Variants in TMPRSS6 observed in about 807,000 individuals in gnomAD.
TMPRSS6 encodes the protein transmembrane serine protease 6, also known as transmembrane protease serine 6.
TMPRSS6 carries 67 observed loss-of-function variants against 101.5 expected under a neutral mutation model. The ratio of observed to expected loss-of-function variants is 0.66; its 90% CI spans 0.54 to 0.81. TMPRSS6 has a LOEUF of 0.81. Ranked by LOEUF, TMPRSS6 falls within the 30% of genes least tolerant of loss-of-function variation. The probability of loss-of-function intolerance (pLI) is 0.00; values close to 1 mark genes in which losing one functional copy is unlikely to be tolerated. For missense variants in TMPRSS6, 1,034 were observed against 1,088.7 expected (o/e 0.95, Z 0.71); for synonymous variants, 453 against 464.9 (o/e 0.97, Z 0.33).
chr22:37,101,765 A>T lies in TMPRSS6; in HGVS notation c.202+1451T>A, dbSNP rs1006063987. 6.6e-6 allele frequency among the ~76,000 whole-genome samples: 1 copy of T among 151,394 alleles called. No homozygotes were observed. The highest frequency in any genetic ancestry group is 1.5e-5 in the Non-Finnish European group (1 of 67,784). ...CAGGAGCATAATCAGGGGGAATTAA[A>T]CTCCTCTGCAAAGAGAAATAATTGG... is the stretch of plus-strand genomic sequence containing the variant. On this transcript the variant is annotated intron_variant, in intron 2 of 17. Coordinates refer to ENST00000676104, the MANE Select transcript of TMPRSS6 (RefSeq NM_001374504.1). The surrounding 1 kb of genome is among the most constrained non-coding windows in gnomAD (Gnocchi z 4.1).
At chr22:37,096,477 C>T (rs572913127) in intron 4 of TMPRSS6, among the ~76,000 whole-genome samples, 171 bp downstream of exon 4, 2 of 152,322 alleles carry the variant, frequency 1.3e-5, no homozygotes, top group Admixed American at 1.3e-4. Flanking sequence ...TTCCATTCTA[C>T]AGATGAGCCC....
intron 13 of TMPRSS6, among the ~76,000 whole-genome samples, chr22:37,071,767 C>A (rs530840915): frequency 6.6e-6 from 1 of 152,136 alleles, no homozygotes; most frequent in South Asian, 2.1e-4. Flanking sequence ...GAAGACTGAG[C>A]AGACAAGCCA....
At chr22:37,085,801 G>T (rs1414313881) in intron 8 of TMPRSS6, among the ~76,000 whole-genome samples, 3 of 152,128 alleles carry the variant, frequency 2.0e-5, no homozygotes, top group Non-Finnish European at 4.4e-5. Flanking sequence ...GCGCCCTCTT[G>T]GCTGTAAGCG....
Position 37,069,178 on chromosome 22 carries a change from C to T in TMPRSS6, c.2008G>A (p.Val670Met), listed in dbSNP as rs763324186. 3 of 1,592,434 alleles carry T rather than the reference C, an allele frequency of 1.9e-6. No individual in the cohort carries two copies. The highest frequency in any genetic ancestry group is 2.6e-6 in the Non-Finnish European group (3 of 1,170,724). ...VALLQLDHPVVRSAAVRPVCL... is the reference protein window; with the variant it reads ...VALLQLDHPVMRSAAVRPVCL... ...ACGGGGCGCACGGCGGCCGAGCGCA[C>T]CACCGGGTGGTCGAGCTGCAGCAGC... is the stretch of plus-strand genomic sequence containing the variant. The change falls in exon 16 of 18, where the codon GTG (valine) becomes ATG (methionine). Residue 670 changes from valine to methionine, a missense_variant. Transcript: ENST00000676104. The surrounding 1 kb of genome is among the most constrained non-coding windows in gnomAD (Gnocchi z 4.8).
intron 2 of TMPRSS6, among the ~76,000 whole-genome samples, chr22:37,098,865 A>G (rs1013254235): frequency 2.0e-5 from 3 of 152,202 alleles, no homozygotes; most frequent in African/African-American, 7.2e-5. Flanking sequence ...AGGCCAGGAA[A>G]TCCACATAGG....
chr22:37,100,468 G>A lies in TMPRSS6; in HGVS notation c.203-1919C>T, dbSNP rs1037341050. Among the ~76,000 whole-genome samples the A allele has an allele frequency of 1.2e-4, 18 of 152,340 alleles. No individual in the cohort carries two copies. In the East Asian group the frequency reaches 3.5e-3, roughly 29 times the overall value. On this transcript the variant is annotated intron_variant, in intron 2 of 17. Coordinates refer to ENST00000676104, the MANE Select transcript of TMPRSS6 (RefSeq NM_001374504.1). ...CAGAGGAGAGGGTGGGAAGTGATTGGCGTCAGCTGCTTTTGATGTGTTTTG... is the reference window on the plus strand; with the variant it reads ...CAGAGGAGAGGGTGGGAAGTGATTGACGTCAGCTGCTTTTGATGTGTTTTG...
At chr22:37,106,388 T>C (rs993048945) in intron 1 of TMPRSS6, among the ~76,000 whole-genome samples, 3 of 151,954 alleles carry the variant, frequency 2.0e-5, no homozygotes, top group Admixed American at 6.6e-5. Flanking sequence ...GGGCCTCCCC[T>C]CCCCTCTCAT....
chr22:37,098,647 G>A, intron 2 of TMPRSS6, 98 bp from the exon 3 acceptor site: 1 of 1,558,870 alleles, frequency 6.4e-7, no homozygotes, highest in Admixed American at 1.7e-5. Context: ...CCTCAGCTCA[G>A]CCTCAGTGTC....
At chr22:37,073,048 GTGGA>G (rs1215008591) in intron 13 of TMPRSS6, among the ~76,000 whole-genome samples, 11 of 142,090 alleles carry the variant, frequency 7.7e-5, no homozygotes, top group Non-Finnish European at 1.7e-4. Flanking sequence ...TGGACGATGG[GTGGA>G]TGGATGGATG....
In TMPRSS6 at chr22:37,089,798, G is replaced by C; in HGVS notation, c.632-16C>G. The stretch of plus-strand genomic sequence containing the variant: ...CGGTAACAACCTGGAGCGGGGAGAG[G>C]GGCACAGCCCCTGATTCCTGTGAGC... On this transcript the variant is annotated splice_polypyrimidine_tract_variant and intron_variant, in intron 6 of 17. Transcript: ENST00000676104. The C allele has an allele frequency of 4.4e-6, 7 of 1,608,146 alleles. No individual in the cohort carries two copies. The highest frequency in any genetic ancestry group is 5.1e-6 in the Non-Finnish European group (6 of 1,178,218).
At chr22:37,078,681 A>AGAAGAG (rs796257639) in intron 10 of TMPRSS6, among the ~76,000 whole-genome samples, 56 of 99,158 alleles carry the variant, frequency 5.6e-4, no homozygotes, top group African/African-American at 1.4e-3. Flanking sequence ...CTTTAGAAGG[A>AGAAGAG]GAAGAGGAAG....
In TMPRSS6 at chr22:37,065,941, A is replaced by C; in HGVS notation, c.*139T>G. ...ATCACTGGAGCAGACATCAGGGACG[A>C]GACAAGATGCCACCTCCTGCCACCA... is the stretch of plus-strand genomic sequence containing the variant. On this transcript the variant is annotated 3_prime_UTR_variant, in exon 18 of 18. Transcript: ENST00000676104. 1 of 1,128,220 alleles carries C rather than the reference A, an allele frequency of 8.9e-7. No individual in the cohort carries two copies. Among genetic ancestry groups the C allele is most frequent in the Non-Finnish European group, 1.3e-6 (1 of 776,478 alleles). The allele number at this position is 1,128,220 out of a possible 1,614,324, so 69.9% of individuals were successfully genotyped here. A position where few individuals can be genotyped will look rare whatever the true frequency, so the allele number is the denominator to read the frequency against.
In TMPRSS6 at chr22:37,069,422, A is replaced by G; in HGVS notation, c.1842-78T>C. The G allele has an allele frequency of 2.9e-6, 4 of 1,384,912 alleles. No individual in the cohort carries two copies. The highest frequency in any genetic ancestry group is 3.9e-6 in the Non-Finnish European group (4 of 1,023,116). 85.8% of individuals were successfully genotyped at this position (1,384,912 alleles called of 1,614,324 possible). On this transcript the variant is annotated intron_variant, in intron 15 of 17. Transcript: ENST00000676104. This position sits in a 1 kb window ranked among gnomAD's most constrained non-coding sequence, Gnocchi z 4.8. ...TGCCTCTCCCCATCCAGGGACCCTC[A>G]AGATAGCCAGATCCCCGCCCGGGAC... is the stretch of plus-strand genomic sequence containing the variant.
Position 37,069,170 on chromosome 22 carries a change from C to T in TMPRSS6, c.2016G>A (p.Ser672=), listed in dbSNP as rs1601515874. The T allele has an allele frequency of 3.2e-6, 5 of 1,587,096 alleles. No individual in the cohort carries two copies. The East Asian group carries it at 9.3e-5, about 30-fold the overall frequency. ...LLQLDHPVVR[S]AAVRPVCLPA... is the part of the protein sequence containing the mutation. ...GCAGGCAGACGGGGCGCACGGCGGC[C>T]GAGCGCACCACCGGGTGGTCGAGCT... The change falls in exon 16 of 18, where the codon TCG becomes TCA. Residue 672 remains serine (S), a synonymous_variant. Coordinates refer to ENST00000676104, the MANE Select transcript of TMPRSS6 (RefSeq NM_001374504.1). The surrounding 1 kb of genome is among the most constrained non-coding windows in gnomAD (Gnocchi z 4.8).
intron 17 of TMPRSS6, among the ~76,000 whole-genome samples, chr22:37,066,614 A>T (rs1052247878): frequency 2.0e-5 from 3 of 152,174 alleles, no homozygotes; most frequent in African/African-American, 7.2e-5. Context: ...CCATCACAGC[A>T]TCTCTTCTGA....
chr22:37,075,294 G>A lies in TMPRSS6; in HGVS notation c.1197-14C>T. Reference sequence around the variant, plus strand: ...AAGCCACACAGCCTGGGGGGAGTCAGAGACGACTCAGGGCTGCACTGGCTG... The same window carrying A: ...AAGCCACACAGCCTGGGGGGAGTCAAAGACGACTCAGGGCTGCACTGGCTG... On this transcript the variant is annotated splice_polypyrimidine_tract_variant and intron_variant, in intron 10 of 17. Transcript: ENST00000676104. The A allele has an allele frequency of 6.2e-7, 1 of 1,613,194 alleles. No individual in the cohort carries two copies. The highest frequency in any genetic ancestry group is 8.5e-7 in the Non-Finnish European group (1 of 1,179,986).
At chr22:37,085,094 C>T (rs979340168) in intron 8 of TMPRSS6, among the ~76,000 whole-genome samples, 14 of 152,130 alleles carry the variant, frequency 9.2e-5, no homozygotes, top group African/African-American at 2.4e-4. Flanking sequence ...GTGCTCGATC[C>T]GTGTTAGTTA....
At chr22:37,105,467 G>C (rs1041631230) in intron 1 of TMPRSS6, among the ~76,000 whole-genome samples, 1 of 152,232 alleles carries the variant, frequency 6.6e-6, no homozygotes, top group African/African-American at 2.4e-5. Flanking sequence ...TGAGACTCTT[G>C]CATGAGGCCA....
chr22:37,084,444 G>A, intron 9 of TMPRSS6, 40 bp from the exon 10 acceptor site: 1 of 1,516,834 alleles, frequency 6.6e-7, no homozygotes, highest in Non-Finnish European at 9.1e-7. Context: ...CCCATGGGGT[G>A]TGGCCAGGTT....
Sources: allele counts gnomAD v4.1 joint callset (sites outside exome capture counted in the v4.1 genomes callset), GRCh38; gene constraint gnomAD v4.1.1; non-coding constraint Gnocchi (gnomAD v3.1); transcripts MANE v1.5; gene names NCBI Gene and HGNC (gene_info 2026-07-23, HGNC 2026-07-21).